The following PDE6C variants were observed in gnomAD, a reference collection of about 807,000 sequenced individuals.
The protein encoded by PDE6C is phosphodiesterase 6C.
In PDE6C, 75 loss-of-function variants were observed where a neutral mutation model predicts 113.1. The observed-to-expected ratio is 0.66, with a 90% CI of 0.55 to 0.80. The LOEUF (loss-of-function observed/expected upper bound fraction) is 0.80. Among genes scored for constraint, PDE6C ranks in the 30% least tolerant of loss-of-function variants. PDE6C has a pLI of 0.00. For missense variants in PDE6C, 912 were observed against 1,038.6 expected, an observed-to-expected ratio of 0.88 and a Z score of 1.67; for synonymous variants, 375 against 363.7, an observed-to-expected ratio of 1.03 and a Z score of -0.35.
At chr10:93,647,012 G>C (rs981336267) in intron 15 of PDE6C, among the ~76,000 whole-genome samples, 1 of 152,146 alleles carries the variant, frequency 6.6e-6, no homozygotes, top group East Asian at 1.9e-4. Context: ...CTGCAGGAGC[G>C]GCTCAGCCCC....
At chr10:93,622,639 G>GTTTTTTTTTTTTTTTTTTTTTTTTTTT (rs67350128) in intron 4 of PDE6C, among the ~76,000 whole-genome samples, 6 of 113,992 alleles carry the variant, frequency 5.3e-5, no homozygotes, top group African/African-American at 1.9e-4. Context: ...GTAGCCACAG[G>GTTTTTTTTTTTTTTTTTTTTTTTTTTT]TTTTTTTTTT....
intron 4 of PDE6C, among the ~76,000 whole-genome samples, chr10:93,625,299 G>A (rs535535161): frequency 6.6e-6 from 1 of 152,278 alleles, no homozygotes; most frequent in East Asian, 1.9e-4. Context: ...CTATGTGCCA[G>A]GGTAGATGTT....
In PDE6C at chr10:93,625,646, C is replaced by T. The variant is rs1425456277; in HGVS notation, c.936C>T (p.Gly312=). 6.2e-7 allele frequency: 1 copy of T among 1,607,476 alleles called. No homozygotes were observed. Among genetic ancestry groups the T allele is most frequent in the Non-Finnish European group, 8.5e-7 (1 of 1,174,054 alleles). The change falls in exon 5 of 22, where the codon GGC becomes GGT. Residue 312 remains glycine (G), a synonymous_variant. Transcript: ENST00000371447. ...ATAAAGGTCCAAAGACACCTGATGG[C>T]AGGGTACGTGCAAATGTCTTCCTTG... ...EPYKGPKTPD[G]REVNFYKIID...
intron 15 of PDE6C, among the ~76,000 whole-genome samples, chr10:93,652,391 G>A (rs1299082923): frequency 6.6e-6 from 1 of 152,174 alleles, no homozygotes; most frequent in East Asian, 1.9e-4. Flanking sequence ...CTAAAAGAAT[G>A]TAGAATTAAG....
rs1255432421 is a variant in PDE6C at position 93,640,117 on chromosome 10, C to A, written c.1530C>A (p.Arg510=). ...DPRSAELYEF[R]FSDFPLTEHG... ...GCTCAGCAGAACTGTACGAATTCCG[C>A]TTCAGTGACTTCCCCCTTACAGAGC... Residue 510 remains arginine, a synonymous_variant, in exon 12 of 22, where the codon CGC becomes CGA. Coordinates refer to ENST00000371447, the MANE Select transcript of PDE6C (RefSeq NM_006204.4). 1.2e-6 allele frequency: 2 copies of A among 1,613,832 alleles called. No individual in the cohort carries two copies. Among genetic ancestry groups the A allele is most frequent in the Non-Finnish European group, 8.5e-7 (1 of 1,179,836 alleles).
Position 93,613,025 on chromosome 10 carries a change from G to T in PDE6C, c.300G>T (p.Leu100=), listed in dbSNP as rs746549962. 9 of 1,614,058 alleles carry T rather than the reference G, an allele frequency of 5.6e-6. No individual in the cohort carries two copies. Among genetic ancestry groups the T allele is most frequent in the Admixed American group, 5.0e-5 (3 of 60,008 alleles). The change falls in exon 1 of 22, where the codon CTG becomes CTT. Residue 100 remains leucine (L), a synonymous_variant. Coordinates refer to ENST00000371447, the MANE Select transcript of PDE6C (RefSeq NM_006204.4). ...AGGCTGACCGCTGCAGCATGTTCCTGTGCCGGTCCCGGAACGGCATACCTG... is the reference window on the plus strand; with the variant it reads ...AGGCTGACCGCTGCAGCATGTTCCTTTGCCGGTCCCGGAACGGCATACCTG... ...LLQADRCSMF[L]CRSRNGIPEV...
At chr10:93,650,484 G>A (rs2058604928) in intron 15 of PDE6C, among the ~76,000 whole-genome samples, 1 of 152,172 alleles carries the variant, frequency 6.6e-6, no homozygotes, top group African/African-American at 2.4e-5. Flanking sequence ...CTGAGCTGAA[G>A]CAATCCTCTC....
intron 16 of PDE6C, among the ~76,000 whole-genome samples, chr10:93,658,405 T>C (rs2058650679): frequency 6.6e-6 from 1 of 152,098 alleles, no homozygotes; most frequent in African/African-American, 2.4e-5. Flanking sequence ...GCTATATGTG[T>C]TGTGATATCT....
At chr10:93,621,507 C>T (rs1013257884) in intron 3 of PDE6C, among the ~76,000 whole-genome samples, 13 of 152,154 alleles carry the variant, frequency 8.5e-5, no homozygotes, top group African/African-American at 2.4e-4. Context: ...GGTCCCTTCC[C>T]GTTTGAACTC....
At chr10:93,630,734 G>T (rs1427683949) in intron 8 of PDE6C, among the ~76,000 whole-genome samples, 1 of 152,158 alleles carries the variant, frequency 6.6e-6, no homozygotes, top group Non-Finnish European at 1.5e-5. Context: ...GCTGCAGCGT[G>T]CCTCCTTAGC....
chr10:93,633,485 A>T (rs900441579), intron 8 of PDE6C, among the ~76,000 whole-genome samples: 17 of 149,254 alleles, frequency 1.1e-4, no homozygotes, highest in East Asian at 3.9e-4. Context: ...AAAAAATAAA[A>T]AAAAATAAAC....
intron 8 of PDE6C, 90 bp from the exon 9 acceptor site, chr10:93,634,668 T>G: frequency 7.3e-7 from 1 of 1,361,576 alleles, no homozygotes; most frequent in Non-Finnish European, 1.0e-6. Context: ...GAAATCTCTC[T>G]GTACATTTCT....
Position 93,665,895 on chromosome 10 carries a change from CCT to C in PDE6C, c.*480_*481del, listed in dbSNP as rs1022467692. On this transcript the variant is annotated 3_prime_UTR_variant, in exon 22 of 22. Coordinates refer to ENST00000371447, the MANE Select transcript of PDE6C (RefSeq NM_006204.4). ...CTCCCTGTGTCTTCACATGGTCTTC[CCT>C]CTGTGTGTCTGTGTCCTAATCTCCT... 3 of 230,054 alleles carry C rather than the reference CCT, an allele frequency of 1.3e-5. No individual in the cohort carries two copies. Among genetic ancestry groups the C allele is most frequent in the Admixed American group, 5.3e-5 (1 of 18,780 alleles). The allele number at this position is 230,054 out of a possible 1,614,324, so 14.3% of individuals were successfully genotyped here.
chr10:93,615,267 G>C (rs960363244), intron 1 of PDE6C, among the ~76,000 whole-genome samples: 1 of 152,166 alleles, frequency 6.6e-6, no homozygotes, highest in Non-Finnish European at 1.5e-5. Flanking sequence ...CTCCAGCCTG[G>C]GTGACAGAAT....
chr10:93,665,365 G>A lies in PDE6C; in HGVS notation c.2524G>A (p.Glu842Lys), dbSNP rs372346298. ...GCTTTCCTTGATTTTACTAGCTGCT[G>A]AAGATTCAGGAGGTGGTGATGACAA... is the stretch of plus-strand genomic sequence containing the variant. ...KQEGGAEKAA[E>K]DSGGGDDKKS... is the part of the protein sequence containing the mutation. Residue 842 changes from glutamate (E) to lysine (K), a missense_variant, in exon 22 of 22, where the codon GAA becomes AAA. Physicochemically the swap from Glu to Lys is moderately conservative, Grantham distance 56. Coordinates refer to ENST00000371447, the MANE Select transcript of PDE6C (RefSeq NM_006204.4). 8.1e-6 allele frequency: 13 copies of A among 1,609,046 alleles called. No homozygotes were observed. The African/African-American group carries it at 1.6e-4, about 20-fold the overall frequency.
chr10:93,640,937 GT>G lies in PDE6C; in HGVS notation c.1756del (p.Tyr586ThrfsTer30). ...TTTTTTAGACAGGAAGATTAAAGAA[GT>G]ACTACACAGATCTCGAAGCCTTTGC... The part of the protein sequence containing the change: ...TLLMTGRLKK[Y>X]YTDLEAFAML... On this transcript the variant is annotated frameshift_variant, in exon 14 of 22. Transcript: ENST00000371447. LOFTEE classifies it high-confidence loss of function. The G allele has an allele frequency of 1.9e-6, 3 of 1,606,850 alleles. No homozygotes were observed. The South Asian group carries it at 3.3e-5, about 18-fold the overall frequency.
chr10:93,663,512 G>A (rs1478252537), intron 21 of PDE6C, among the ~76,000 whole-genome samples: 1 of 152,168 alleles, frequency 6.6e-6, no homozygotes, highest in Non-Finnish European at 1.5e-5. Flanking sequence ...TTAGAGTTAG[G>A]TGAGAAAAAA....
chr10:93,627,938 G>A (rs1357050152), intron 7 of PDE6C, among the ~76,000 whole-genome samples: 2 of 152,128 alleles, frequency 1.3e-5, no homozygotes, highest in Non-Finnish European at 2.9e-5. Flanking sequence ...ACTTACCTTG[G>A]GGCCGAGAGG....
At chr10:93,641,167 T>G in intron 14 of PDE6C, 138 bp downstream of exon 14, 1 of 641,316 alleles carries the variant, frequency 1.6e-6, no homozygotes, top group African/African-American at 1.8e-5. Flanking sequence ...CTGGATTCTA[T>G]TCCCTCCCAA....
Sources: gnomAD v4.1 joint callset for allele counts (sites outside exome capture counted in the v4.1 genomes callset) on GRCh38, gnomAD v4.1.1 for gene constraint, MANE v1.5 for transcripts, NCBI Gene and HGNC (gene_info 2026-07-23, HGNC 2026-07-21) for gene names.